Variants in RAP1GAP2 observed in about 807,000 individuals in gnomAD.
The protein encoded by RAP1GAP2 is RAP1 GTPase activating protein 2.
A neutral mutation model predicts 95.0 loss-of-function variants in RAP1GAP2; 27 were observed. That is an observed-to-expected ratio of 0.28 (90% CI 0.21 to 0.39). The LOEUF is 0.39. Among genes scored for constraint, RAP1GAP2 ranks in the 10% least tolerant of loss-of-function variants. The probability of loss-of-function intolerance (pLI) is 1.00; values close to 1 mark genes in which losing one functional copy is unlikely to be tolerated. For synonymous variants in RAP1GAP2, 373 were observed against 380.9 expected (o/e 0.98, Z 0.24); for missense variants, 771 against 970.0 (o/e 0.79, Z 2.72).
intron 2 of RAP1GAP2, among the ~76,000 whole-genome samples, chr17:2,818,617 C>T (rs1406907966): frequency 3.9e-5 from 6 of 152,088 alleles, no homozygotes; most frequent in East Asian, 1.9e-4. Context: ...TGTGAGCCAC[C>T]GTGCCCGGCC....
chr17:2,798,593 C>G (rs1272735789), intron 1 of RAP1GAP2, among the ~76,000 whole-genome samples: 2 of 137,746 alleles, frequency 1.5e-5, no homozygotes, highest in East Asian at 4.9e-4. Flanking sequence ...TTTCCAAGCT[C>G]CATTGGATGC....
chr17:2,918,646 C>T (rs928212603), intron 3 of RAP1GAP2, among the ~76,000 whole-genome samples: 3 of 151,884 alleles, frequency 2.0e-5, no homozygotes, highest in Non-Finnish European at 2.9e-5. Flanking sequence ...AACCAGAGCT[C>T]GTGAGAATTC....
intron 11 of RAP1GAP2, among the ~76,000 whole-genome samples, chr17:2,990,371 A>G (rs9896777): frequency 0.41 from 61,786 of 151,988 alleles, 13,081 homozygotes; most frequent in African/African-American, 0.52. Flanking sequence ...CCCGGGAGCA[A>G]AGTTGCCAGA....
Position 2,850,839 on chromosome 17 carries a change from TC to T in RAP1GAP2, c.80+50290del, listed in dbSNP as rs369328169. Among the ~76,000 whole-genome samples, 868 of 150,682 alleles carry T rather than the reference TC, an allele frequency of 5.8e-3. 7 individuals carry two copies. Among genetic ancestry groups the T allele is most frequent in the African/African-American group, 0.02 (808 of 40,966 alleles). On this transcript the variant is annotated intron_variant, in intron 2 of 24. Transcript: ENST00000254695. ...AACTTGGGAGGCCAAGGCAGGCGGA[TC>T]ACCTGAGGTCAGGAGTTCGAGATCA...
intron 2 of RAP1GAP2, 126 bp downstream of exon 2, chr17:2,800,676 T>G: frequency 2.0e-6 from 2 of 1,008,594 alleles, no homozygotes; most frequent in Admixed American, 4.0e-5. Flanking sequence ...CCAGTCCGAG[T>G]CCATGGTGCT....
intron 2 of RAP1GAP2, among the ~76,000 whole-genome samples, chr17:2,893,709 G>A (rs1437858541): frequency 2.6e-5 from 4 of 152,182 alleles, no homozygotes; most frequent in African/African-American, 7.2e-5. Flanking sequence ...CCATGACGCT[G>A]CTCCCCCCAT....
chr17:2,982,770 G>A (rs569890643), intron 10 of RAP1GAP2, among the ~76,000 whole-genome samples: 1 of 152,212 alleles, frequency 6.6e-6, no homozygotes, highest in South Asian at 2.1e-4. Context: ...AGGACCAATG[G>A]TGTTTATTTG....
chr17:2,963,574 C>T lies in RAP1GAP2; in HGVS notation c.279+112C>T, dbSNP rs2044443591. On this transcript the variant is annotated intron_variant, in intron 6 of 24. Coordinates refer to ENST00000254695, the MANE Select transcript of RAP1GAP2 (RefSeq NM_015085.5). This position sits in a 1 kb window ranked among gnomAD's most constrained non-coding sequence, Gnocchi z 4.8. ...GCCCCCCAGGGGAGAGAACCTTGGG[C>T]CTGGGACCTCTCTTCCTGTCTTTGC... is the stretch of plus-strand genomic sequence containing the variant. The T allele has an allele frequency of 7.3e-7, 1 of 1,372,414 alleles. No individual in the cohort carries two copies. 85.0% of individuals were successfully genotyped at this position (1,372,414 alleles called of 1,614,324 possible). A position where few individuals can be genotyped will look rare whatever the true frequency, so the allele number is the denominator to read the frequency against.
chr17:2,777,534 C>T (rs2068531341), intron 1 of RAP1GAP2, among the ~76,000 whole-genome samples: 1 of 152,068 alleles, frequency 6.6e-6, no homozygotes, highest in African/African-American at 2.4e-5. Context: ...AGTGGGGGGT[C>T]CAGGGCAGGC....
At chr17:2,853,851 C>G in intron 2 of RAP1GAP2, 1 of 917,602 alleles carries the variant, frequency 1.1e-6, no homozygotes, top group Non-Finnish European at 1.3e-6. Flanking sequence ...CACCTGACCC[C>G]CGGGGCGCAC....
chr17:3,016,939 C>T (rs746919776), intron 17 of RAP1GAP2, among the ~76,000 whole-genome samples: 2 of 152,200 alleles, frequency 1.3e-5, no homozygotes, highest in Non-Finnish European at 2.9e-5. Flanking sequence ...AGTTGCATTC[C>T]TGCCCGGCCA....
intron 3 of RAP1GAP2, among the ~76,000 whole-genome samples, chr17:2,952,076 A>C (rs1241085471): frequency 6.6e-6 from 1 of 152,026 alleles, no homozygotes; most frequent in Non-Finnish European, 1.5e-5. Context: ...AAAAGCACAA[A>C]GGGAAAAATC....
chr17:2,831,201 C>T (rs977802964), intron 2 of RAP1GAP2, among the ~76,000 whole-genome samples: 11 of 146,872 alleles, frequency 7.5e-5, no homozygotes, highest in Admixed American at 2.1e-4. Context: ...CTTAGCCTCC[C>T]GAGTAGTTGG....
intron 2 of RAP1GAP2, among the ~76,000 whole-genome samples, chr17:2,865,898 T>C (rs2072594726): frequency 6.6e-6 from 1 of 152,206 alleles, no homozygotes; most frequent in Non-Finnish European, 1.5e-5. Context: ...CAAGCTGCAG[T>C]CCCTCCTTAA....
rs1408862286 is a variant in RAP1GAP2, at chr17:2,871,758, C to G, written c.81-33526C>G. The stretch of plus-strand genomic sequence containing the variant: ...TCCTCCTTGACCCAGTGAGCCACCT[C>G]TGGGGATCTGTCAGATGTGCATCTT... On this transcript the variant is annotated intron_variant, in intron 2 of 24. Transcript: ENST00000254695. This position sits in a 1 kb window ranked among gnomAD's most constrained non-coding sequence, Gnocchi z 5.0. Among the ~76,000 whole-genome samples, 2 of 152,172 alleles carry G rather than the reference C, an allele frequency of 1.3e-5. No homozygotes were observed. Among genetic ancestry groups the G allele is most frequent in the Non-Finnish European group, 2.9e-5 (2 of 68,040 alleles).
Position 3,012,324 on chromosome 17 carries a change from G to T in RAP1GAP2, c.1494+4179G>T, listed in dbSNP as rs1177139213. On this transcript the variant is annotated intron_variant, in intron 17 of 24. Coordinates refer to ENST00000254695, the MANE Select transcript of RAP1GAP2 (RefSeq NM_015085.5). ...AAAAAAAAAACCTTCCAATTATAAAGACTGAACGTTTGGCTGGGCGCGGTG... is the reference window on the plus strand; with the variant it reads ...AAAAAAAAAACCTTCCAATTATAAATACTGAACGTTTGGCTGGGCGCGGTG... Among the ~76,000 whole-genome samples the T allele has an allele frequency of 2.6e-5, 4 of 151,528 alleles. No individual in the cohort carries two copies. The East Asian group carries it at 7.8e-4, about 29-fold the overall frequency.
intron 3 of RAP1GAP2, among the ~76,000 whole-genome samples, chr17:2,951,728 G>A (rs907579596): frequency 1.2e-4 from 18 of 150,068 alleles, no homozygotes; most frequent in East Asian, 6.0e-4. Flanking sequence ...AAAAACAAAC[G>A]AAAATAAAAA....
chr17:2,764,856 C>T (rs1450769986), intron 1 of RAP1GAP2, among the ~76,000 whole-genome samples: 1 of 152,204 alleles, frequency 6.6e-6, no homozygotes, highest in East Asian at 1.9e-4. Flanking sequence ...ACTAATCTCC[C>T]TCCTCGGAGG....
At chr17:3,028,321 A>G (rs2047191397) in intron 22 of RAP1GAP2, among the ~76,000 whole-genome samples, 1 of 152,038 alleles carries the variant, frequency 6.6e-6, no homozygotes, top group Non-Finnish European at 1.5e-5. Context: ...ATGTCTGGCA[A>G]TGTCTGGCGA....
Sources: allele counts gnomAD v4.1 joint callset (sites outside exome capture counted in the v4.1 genomes callset), GRCh38; gene constraint gnomAD v4.1.1; non-coding constraint Gnocchi (gnomAD v3.1); transcripts MANE v1.5; gene names NCBI Gene and HGNC (gene_info 2026-07-23, HGNC 2026-07-21).